The following PLCB4 variants were observed in gnomAD, a reference collection of about 807,000 sequenced individuals.
The protein encoded by PLCB4 is phospholipase C beta 4, also known as 1-phosphatidylinositol 4,5-bisphosphate phosphodiesterase beta-4.
In PLCB4, 77 loss-of-function variants were observed where a neutral mutation model predicts 178.8. The observed-to-expected ratio is 0.43, with a 90% CI of 0.36 to 0.52. The LOEUF is 0.52. Ranked by LOEUF, PLCB4 falls within the 20% of genes least tolerant of loss-of-function variation. The pLI, the probability that PLCB4 is intolerant of heterozygous loss-of-function variation, is 0.00. For synonymous variants in PLCB4, 496 were observed against 490.8 expected, an observed-to-expected ratio of 1.01 and a Z score of -0.14; for missense variants, 1,024 against 1,453.4, an observed-to-expected ratio of 0.70 and a Z score of 4.80.
chr20:9,078,524 G>A (rs2089990285), intron 1 of PLCB4, among the ~76,000 whole-genome samples: 1 of 151,786 alleles, frequency 6.6e-6, no homozygotes, highest in African/African-American at 2.4e-5. Context: ...ACCAAGCCCG[G>A]CTAATTTTTG....
intron 25 of PLCB4, among the ~76,000 whole-genome samples, chr20:9,418,665 C>T (rs1197667863): frequency 6.6e-6 from 1 of 152,006 alleles, no homozygotes; most frequent in Non-Finnish European, 1.5e-5. Flanking sequence ...CCTTGAGTTT[C>T]TATATGAATT....
At chr20:9,450,919 G>C (rs1254322373) in intron 32 of PLCB4, among the ~76,000 whole-genome samples, 8 of 151,956 alleles carry the variant, frequency 5.3e-5, no homozygotes, top group African/African-American at 1.9e-4. Flanking sequence ...AAAGTCCTGG[G>C]ATTACAGGCA....
intron 1 of PLCB4, among the ~76,000 whole-genome samples, chr20:9,070,743 T>G (rs747179000): frequency 1.3e-4 from 20 of 152,220 alleles, no homozygotes; most frequent in Non-Finnish European, 2.6e-4. Flanking sequence ...TGTGACGTAT[T>G]ATAACATATC....
intron 2 of PLCB4, among the ~76,000 whole-genome samples, chr20:9,142,911 A>G (rs6118505): frequency 0.38 from 58,189 of 152,010 alleles, 12,472 homozygotes; most frequent in Middle Eastern, 0.52. Flanking sequence ...CCTTCCTCTT[A>G]ATCTCTGACT....
chr20:9,192,150 G>T (rs547094253), intron 2 of PLCB4, among the ~76,000 whole-genome samples: 1 of 152,268 alleles, frequency 6.6e-6, no homozygotes, highest in East Asian at 1.9e-4. Context: ...GGAGTTCCTA[G>T]CAGAGTGAGC....
At chr20:9,431,077 G>A (rs2041361669) in intron 28 of PLCB4, among the ~76,000 whole-genome samples, 1 of 152,156 alleles carries the variant, frequency 6.6e-6, no homozygotes, top group Non-Finnish European at 1.5e-5. Context: ...GAGATTTATG[G>A]AGGCTAGAAG....
intron 3 of PLCB4, among the ~76,000 whole-genome samples, chr20:9,289,513 C>G (rs1305186368): frequency 6.6e-6 from 1 of 152,040 alleles, no homozygotes; most frequent in Non-Finnish European, 1.5e-5. Flanking sequence ...TCTCTGTCCT[C>G]AGGTCATTTC....
chr20:9,163,058 T>C (rs2092914673), intron 2 of PLCB4, among the ~76,000 whole-genome samples: 1 of 152,154 alleles, frequency 6.6e-6, no homozygotes, highest in African/African-American at 2.4e-5. Flanking sequence ...CAGTTGTCTT[T>C]TGCAGGCCTT....
At chr20:9,263,520 G>T (rs6056506) in intron 3 of PLCB4, among the ~76,000 whole-genome samples, 35,228 of 152,048 alleles carry the variant, frequency 0.23, 7,342 homozygotes, top group African/African-American at 0.53. Flanking sequence ...TGTTAGAGTC[G>T]CGTGGTAACA....
At chr20:9,380,666 C>T (rs2037067453) in intron 13 of PLCB4, among the ~76,000 whole-genome samples, 1 of 152,158 alleles carries the variant, frequency 6.6e-6, no homozygotes, top group African/African-American at 2.4e-5. Context: ...TAGCTAATTG[C>T]TGGACCTTTG....
chr20:9,242,229 G>A (rs940750448), intron 3 of PLCB4, among the ~76,000 whole-genome samples: 6 of 152,188 alleles, frequency 3.9e-5, no homozygotes, highest in African/African-American at 2.4e-5. Flanking sequence ...GCAGTCTGCC[G>A]CAAGCTGGGC....
intron 2 of PLCB4, among the ~76,000 whole-genome samples, chr20:9,183,872 T>C (rs907450261): frequency 7.9e-5 from 12 of 152,194 alleles, no homozygotes; most frequent in Non-Finnish European, 1.5e-4. Flanking sequence ...TATAGCTCAT[T>C]GTAACATATT....
At chr20:9,262,747 T>C (rs959106626) in intron 3 of PLCB4, among the ~76,000 whole-genome samples, 2 of 152,166 alleles carry the variant, frequency 1.3e-5, no homozygotes, top group African/African-American at 4.8e-5. Flanking sequence ...GCCAGGATGT[T>C]TTATACAACT....
chr20:9,250,975 A>G (rs950860029), intron 3 of PLCB4, among the ~76,000 whole-genome samples: 1 of 152,216 alleles, frequency 6.6e-6, no homozygotes, highest in African/African-American at 2.4e-5. Flanking sequence ...TGCATGTCCA[A>G]CAGAGAAATG....
chr20:9,129,247 G>A (rs1321050666), intron 2 of PLCB4, among the ~76,000 whole-genome samples: 5 of 152,066 alleles, frequency 3.3e-5, no homozygotes, highest in African/African-American at 1.2e-4. Context: ...ACCACCTGCC[G>A]TACTCACATA....
rs1262241206 is a variant in PLCB4 at position 9,395,628 on chromosome 20, T to C, written c.1510+10T>C. The C allele has an allele frequency of 1.2e-5, 19 of 1,568,690 alleles. No homozygotes were observed. The highest frequency in any genetic ancestry group is 1.6e-5 in the Non-Finnish European group (18 of 1,140,136). On this transcript the variant is annotated intron_variant, in intron 19 of 39. Transcript: ENST00000378473. Reference sequence around the variant, plus strand: ...GAGGAGATCGAAAGTGGTGAGCTGTTTGCTTTTATTTTAAGTTACATGCTT... The same window carrying C: ...GAGGAGATCGAAAGTGGTGAGCTGTCTGCTTTTATTTTAAGTTACATGCTT...
intron 28 of PLCB4, among the ~76,000 whole-genome samples, chr20:9,429,399 G>A (rs2041244154): frequency 6.6e-6 from 1 of 152,096 alleles, no homozygotes; most frequent in Non-Finnish European, 1.5e-5. Flanking sequence ...TGGGAAATAG[G>A]CAGCCACAGT....
At chr20:9,187,473 G>T (rs1407853360) in intron 2 of PLCB4, among the ~76,000 whole-genome samples, 6 of 152,142 alleles carry the variant, frequency 3.9e-5, no homozygotes, top group African/African-American at 1.4e-4. Context: ...TCATTTCAAG[G>T]ACATAACTAT....
At position 9,335,858 on chromosome 20, in the gene PLCB4, A is replaced by T. The variant is rs541862227; in HGVS notation, c.85-1268A>T. On this transcript the variant is annotated intron_variant, in intron 4 of 39. Transcript: ENST00000378473. ...CACGCCTGATACAGAGTTGGAATAC[A>T]TAAATACATACAGTAATACTTCATC... Among the ~76,000 whole-genome samples, 4 of 152,304 alleles carry T rather than the reference A, an allele frequency of 2.6e-5. No individual in the cohort carries two copies. In the East Asian group the frequency reaches 7.7e-4, roughly 29 times the overall value.
Sources: allele counts gnomAD v4.1 joint callset (sites outside exome capture counted in the v4.1 genomes callset), GRCh38; gene constraint gnomAD v4.1.1; transcripts MANE v1.5; gene names NCBI Gene and HGNC (gene_info 2026-07-23, HGNC 2026-07-21).